The following FGL1 variants were observed in gnomAD, a reference collection of about 807,000 sequenced individuals.
FGL1 encodes the protein fibrinogen-like protein 1.
Under a neutral mutation model 43.7 loss-of-function variants are expected in FGL1, and 59 were observed. The ratio of observed to expected loss-of-function variants is 1.35; its 90% CI spans 1.10 to 1.68. The LOEUF is 1.68. Ranked by LOEUF, FGL1 falls within the 40% of genes most tolerant of loss-of-function variation. The pLI is 0.00. For missense variants in FGL1, 596 were observed against 373.0 expected, an observed-to-expected ratio of 1.60 and a Z score of -4.92; for synonymous variants, 192 against 126.5, an observed-to-expected ratio of 1.52 and a Z score of -3.48.
chr8:17,890,679 G>T (rs765161033), intron 1 of FGL1, among the ~76,000 whole-genome samples: 2 of 152,104 alleles, frequency 1.3e-5, no homozygotes, highest in Non-Finnish European at 2.9e-5. Context: ...AATTTATAAA[G>T]GAAAAAGGTT....
At chr8:17,875,928 A>C (rs1197353704) in intron 3 of FGL1, among the ~76,000 whole-genome samples, 1 of 152,080 alleles carries the variant, frequency 6.6e-6, no homozygotes, top group African/African-American at 2.4e-5. Context: ...CTGTTCCTTA[A>C]GCCACTTGAG....
chr8:17,893,150 A>C (rs949817793), intron 1 of FGL1, among the ~76,000 whole-genome samples: 2 of 152,142 alleles, frequency 1.3e-5, no homozygotes, highest in Non-Finnish European at 2.9e-5. Context: ...GCAGTGAGCC[A>C]AGATCACACC....
intron 1 of FGL1, chr8:17,895,125 G>A (rs1349339145): frequency 8.4e-6 from 2 of 237,884 alleles, no homozygotes; most frequent in Non-Finnish European, 1.4e-5. Flanking sequence ...TACATATTTA[G>A]AAAGTCATTA....
At chr8:17,891,376 C>T (rs1050684689) in intron 1 of FGL1, 1 of 152,150 alleles carries the variant, frequency 6.6e-6, no homozygotes, top group Non-Finnish European at 1.5e-5. Context: ...TTCTTGACAT[C>T]CTTTGACTTG....
intron 3 of FGL1, among the ~76,000 whole-genome samples, chr8:17,875,533 T>TTCTTTCTCTCTC (rs1208572003): frequency 9.3e-4 from 11 of 11,886 alleles, no homozygotes; most frequent in African/African-American, 2.1e-3. Context: ...CTTTCTTTCT[T>TTCTTTCTCTCTC]TCTCTTTCTT....
intron 6 of FGL1, 27 bp downstream of exon 6, chr8:17,868,889 G>T (rs1190571993): frequency 6.5e-7 from 1 of 1,541,748 alleles, no homozygotes; most frequent in Non-Finnish European, 8.8e-7. Context: ...TTTATTCACG[G>T]TTTTACTTCT....
Position 17,874,347 on chromosome 8 carries a change from T to C in FGL1, c.404+15A>G. ...TTGCTGCTACATATAAAGTCTTACATCATAATTAGCACACCTGTTAAAGTT... is the reference window on the plus strand; with the variant it reads ...TTGCTGCTACATATAAAGTCTTACACCATAATTAGCACACCTGTTAAAGTT... On this transcript the variant is annotated intron_variant, in intron 4 of 7. Transcript: ENST00000427924. The C allele has an allele frequency of 6.2e-7, 1 of 1,608,844 alleles. No homozygotes were observed. Among genetic ancestry groups the C allele is most frequent in the Non-Finnish European group, 8.5e-7 (1 of 1,177,668 alleles).
intron 5 of FGL1, among the ~76,000 whole-genome samples, chr8:17,872,188 T>C (rs946046615): frequency 6.6e-6 from 1 of 152,104 alleles, no homozygotes; most frequent in African/African-American, 2.4e-5. Flanking sequence ...ATGTTTATCA[T>C]TCTAGTGTCT....
chr8:17,886,809 G>C (rs2053635467), intron 1 of FGL1, among the ~76,000 whole-genome samples: 1 of 150,920 alleles, frequency 6.6e-6, no homozygotes, highest in Non-Finnish European at 1.5e-5. Context: ...GAGGAGAGGA[G>C]AGAAGAGAAG....
chr8:17,894,754 A>G (rs891580735), intron 1 of FGL1, among the ~76,000 whole-genome samples: 3 of 146,612 alleles, frequency 2.0e-5, no homozygotes, highest in Non-Finnish European at 3.0e-5. Flanking sequence ...TCTTATTCCA[A>G]TGTTTGATTC....
chr8:17,885,844 A>AGCACAT, intron 1 of FGL1: 1 of 316,400 alleles, frequency 3.2e-6, no homozygotes. Context: ...TATGCTGTGG[A>AGCACAT]AAGGCACAGG....
At chr8:17,891,549 C>A in intron 1 of FGL1, 1 of 304,892 alleles carries the variant, frequency 3.3e-6, no homozygotes, top group Non-Finnish European at 4.8e-6. Flanking sequence ...TGTACAAAGA[C>A]CCTATTTGCA....
chr8:17,882,394 A>T (rs772815192), intron 2 of FGL1: 97 of 429,408 alleles, frequency 2.3e-4, no homozygotes, highest in Non-Finnish European at 3.6e-4. Context: ...GACTCAAAAG[A>T]TCAAATAATA....
chr8:17,883,886 TTTTC>T (rs1247334952), intron 2 of FGL1, among the ~76,000 whole-genome samples: 4 of 149,916 alleles, frequency 2.7e-5, no homozygotes, highest in African/African-American at 9.8e-5. Context: ...CTTTCTCCTC[TTTTC>T]TTTTTCTTTT....
chr8:17,875,586 T>C (rs1423625918), intron 3 of FGL1, among the ~76,000 whole-genome samples: 9 of 52,700 alleles, frequency 1.7e-4, no homozygotes, highest in African/African-American at 2.7e-4. Flanking sequence ...TCTTTCTTTC[T>C]TTCTTTCTTT....
intron 7 of FGL1, 121 bp from the exon 8 acceptor site, chr8:17,864,872 G>A (rs2131686138): frequency 1.2e-6 from 1 of 805,808 alleles, no homozygotes; most frequent in Non-Finnish European, 1.7e-6. Context: ...CCATTTTTCA[G>A]ACAAGTAAAT....
intron 2 of FGL1, 199 bp from the exon 3 acceptor site, chr8:17,882,378 C>G (rs2053550719): frequency 2.1e-6 from 1 of 478,918 alleles, no homozygotes; most frequent in Non-Finnish European, 3.7e-6. Context: ...TATGCGAAAA[C>G]TCCTGGACTC....
intron 7 of FGL1, among the ~76,000 whole-genome samples, chr8:17,867,665 AGTGTCTTGG>A (rs2053290365): frequency 3.3e-5 from 5 of 152,164 alleles, no homozygotes; most frequent in Non-Finnish European, 7.4e-5. Flanking sequence ...ACTTCTACTA[AGTGTCTTGG>A]GGCAGGGAGG....
At chr8:17,891,931 AT>A in intron 1 of FGL1, 1 of 265,252 alleles carries the variant, frequency 3.8e-6, no homozygotes, top group Non-Finnish European at 5.8e-6. Context: ...AGACATTTGG[AT>A]TTATAAAATC....
Sources: gnomAD v4.1 joint callset for allele counts (sites outside exome capture counted in the v4.1 genomes callset) on GRCh38, gnomAD v4.1.1 for gene constraint, MANE v1.5 for transcripts, NCBI Gene and HGNC (gene_info 2026-07-23, HGNC 2026-07-21) for gene names.